The following BAZ2B variants were observed in gnomAD, a reference collection of about 807,000 sequenced individuals.
BAZ2B encodes bromodomain adjacent to zinc finger domain 2B, also known as bromodomain adjacent to zinc finger domain protein 2B.
BAZ2B carries 91 observed loss-of-function variants against 246.0 expected under a neutral mutation model. The observed-to-expected ratio is 0.37, with a 90% CI of 0.31 to 0.44. The LOEUF is 0.44. BAZ2B is among the 20% of genes least tolerant of loss of function. The probability of loss-of-function intolerance (pLI) is 1.00; values close to 1 mark genes in which losing one functional copy is unlikely to be tolerated. For missense variants in BAZ2B, 2,332 were observed against 2,533.7 expected (o/e 0.92, Z 1.71); for synonymous variants, 855 against 860.0 (o/e 0.99, Z 0.10).
Position 159,584,021 on chromosome 2 carries a change from C to T in BAZ2B, c.-45-28156G>A, listed in dbSNP as rs181083648. ...GAAATAGGGGAGAGGTAAAATGCTG[C>T]GAGGAAGATCATGTATTGTAGGGTC... On this transcript the variant is annotated intron_variant, in intron 1 of 36. Coordinates refer to ENST00000392783, the MANE Select transcript of BAZ2B (RefSeq NM_013450.4). Among the ~76,000 whole-genome samples, 57 of 151,988 alleles carry T rather than the reference C, an allele frequency of 3.8e-4. 2 individuals carry two copies. Among genetic ancestry groups the T allele is most frequent in the Admixed American group, 2.3e-3 (35 of 15,254 alleles).
the BAZ2B span, among the ~76,000 whole-genome samples, chr2:159,625,152 C>T: frequency 6.6e-6 from 1 of 152,026 alleles, no homozygotes; most frequent in Non-Finnish European, 1.5e-5. Context: ...AAGGAATGAA[C>T]AAAGCCTCCA....
chr2:159,670,317 C>A, the BAZ2B span, among the ~76,000 whole-genome samples: 1 of 152,122 alleles, frequency 6.6e-6, no homozygotes, highest in South Asian at 2.1e-4. Flanking sequence ...TTTAGTACTG[C>A]ATTTTAACAA....
chr2:159,372,445 G>T (rs752514251), intron 27 of BAZ2B, among the ~76,000 whole-genome samples: 4 of 152,306 alleles, frequency 2.6e-5, no homozygotes, highest in Admixed American at 6.5e-5. Flanking sequence ...ATTCGAGAAG[G>T]TTTACTGAGC....
chr2:159,631,259 T>C, the BAZ2B span, among the ~76,000 whole-genome samples: 1 of 152,178 alleles, frequency 6.6e-6, no homozygotes, highest in Non-Finnish European at 1.5e-5. Flanking sequence ...GGGAAATTAA[T>C]TTTTGAATTG....
chr2:159,438,377 C>G lies in BAZ2B; in HGVS notation c.1219G>C (p.Asp407His). Residue 407 changes from aspartate (D) to histidine (H), a missense_variant, in exon 8 of 37, where the codon GAT becomes CAT. Around this residue, in one of 9 missense-constraint regions of BAZ2B, gnomAD observed 651 missense variants for 650.9 expected, o/e 1.00. Transcript: ENST00000392783. ...TYMKLIVPSP[D>H]VLKAGNKNTS... The stretch of plus-strand genomic sequence containing the variant: ...TTTTTATTCCCTGCTTTAAGAACAT[C>G]AGGAGAAGGAACTATGAGTTTCATG... The G allele has an allele frequency of 6.2e-7, 1 of 1,614,088 alleles. No individual in the cohort carries two copies. Among genetic ancestry groups the G allele is most frequent in the Non-Finnish European group, 8.5e-7 (1 of 1,179,970 alleles).
At chr2:159,351,499 T>G (rs910160291) in intron 27 of BAZ2B, among the ~76,000 whole-genome samples, 1 of 151,982 alleles carries the variant, frequency 6.6e-6, no homozygotes, top group East Asian at 1.9e-4. Flanking sequence ...AAAACTAAGA[T>G]GTGTACTTTT....
At chr2:159,473,413 T>C (rs140127208) in intron 3 of BAZ2B, among the ~76,000 whole-genome samples, 2,112 of 152,336 alleles carry the variant, frequency 0.014, 16 homozygotes, top group Non-Finnish European at 0.02. Context: ...TCAGTGGTGA[T>C]ATCCACTTTA....
the BAZ2B span, among the ~76,000 whole-genome samples, chr2:159,682,360 T>C: frequency 3.9e-5 from 6 of 152,146 alleles, no homozygotes; most frequent in South Asian, 8.3e-4. Flanking sequence ...TTTGTATTTT[T>C]TGTAGACAGT....
At chr2:159,673,368 T>C in the BAZ2B span, among the ~76,000 whole-genome samples, 1 of 152,178 alleles carries the variant, frequency 6.6e-6, no homozygotes, top group African/African-American at 2.4e-5. Flanking sequence ...ACTCTGTTGG[T>C]GAGGCTGTGA....
chr2:159,465,678 T>C (rs957123641), intron 3 of BAZ2B, among the ~76,000 whole-genome samples: 6 of 152,206 alleles, frequency 3.9e-5, no homozygotes, highest in African/African-American at 1.4e-4. Flanking sequence ...TCCCAGTATT[T>C]TGGGAGGCCG....
chr2:159,438,926 C>T lies in BAZ2B; in HGVS notation c.900+83G>A. ...CTCAAAGTAATGATTAACTTTAAAA[C>T]TACAGACTTTGAGAGTCAAGATAAA... On this transcript the variant is annotated intron_variant, in intron 7 of 36. Coordinates refer to ENST00000392783, the MANE Select transcript of BAZ2B (RefSeq NM_013450.4). The T allele has an allele frequency of 2.8e-6, 4 of 1,410,790 alleles. No homozygotes were observed. The South Asian group carries it at 5.3e-5, about 19-fold the overall frequency. The allele number at this position is 1,410,790 out of a possible 1,614,324, so 87.4% of individuals were successfully genotyped here. A position where few individuals can be genotyped will look rare whatever the true frequency, so the allele number is the denominator to read the frequency against.
chr2:159,323,085 C>G (rs1430018312), intron 36 of BAZ2B, among the ~76,000 whole-genome samples: 1 of 150,240 alleles, frequency 6.7e-6, no homozygotes, highest in Non-Finnish European at 1.5e-5. Flanking sequence ...CCTCCAGTTT[C>G]AAGTGATTCT....
At chr2:159,419,338 A>G (rs1339529111) in intron 13 of BAZ2B, among the ~76,000 whole-genome samples, 1 of 152,092 alleles carries the variant, frequency 6.6e-6, no homozygotes, top group Non-Finnish European at 1.5e-5. Flanking sequence ...ACGAAATTTG[A>G]CAATTCACAT....
chr2:159,642,499 A>G, the BAZ2B span, among the ~76,000 whole-genome samples: 2 of 151,994 alleles, frequency 1.3e-5, no homozygotes, highest in African/African-American at 4.8e-5. Context: ...TCGGCCTCCC[A>G]AAGTGCTGGG....
chr2:159,431,248 A>G, intron 9 of BAZ2B, 92 bp from the exon 10 acceptor site: 3 of 1,474,018 alleles, frequency 2.0e-6, no homozygotes, highest in Non-Finnish European at 2.7e-6. Flanking sequence ...AGGAACCAGC[A>G]CCTGTGAATG....
At chr2:159,477,949 A>G (rs2150917807) in intron 3 of BAZ2B, among the ~76,000 whole-genome samples, 1 of 152,254 alleles carries the variant, frequency 6.6e-6, no homozygotes, top group Admixed American at 6.5e-5. Flanking sequence ...TAGCTTCCTG[A>G]GTAGCCAGGA....
At chr2:159,536,478 G>A (rs1460326904) in intron 2 of BAZ2B, 1 of 152,170 alleles carries the variant, frequency 6.6e-6, no homozygotes, top group Non-Finnish European at 1.5e-5. Flanking sequence ...AGAACAGGCT[G>A]AGAAATTTAA....
At chr2:159,707,012 C>A in the BAZ2B span, among the ~76,000 whole-genome samples, 2 of 152,192 alleles carry the variant, frequency 1.3e-5, no homozygotes. Flanking sequence ...TCAAACTTAT[C>A]AGCTTCCACA....
the BAZ2B span, among the ~76,000 whole-genome samples, chr2:159,688,557 C>T: frequency 4.5e-4 from 69 of 151,898 alleles, no homozygotes; most frequent in African/African-American, 1.5e-3. Context: ...CAATACAGAC[C>T]GTCACATTTC....
Sources: gnomAD v4.1 joint callset for allele counts (sites outside exome capture counted in the v4.1 genomes callset) on GRCh38, gnomAD v4.1.1 for gene constraint, gnomAD v4.1.1 regional missense constraint, MANE v1.5 for transcripts, NCBI Gene and HGNC (gene_info 2026-07-23, HGNC 2026-07-21) for gene names.